Variants in SSH2 observed in about 807,000 individuals in gnomAD.
SSH2 encodes slingshot protein phosphatase 2.
SSH2 carries 37 observed loss-of-function variants against 135.2 expected under a neutral mutation model. That is an observed-to-expected ratio of 0.27 (90% CI 0.21 to 0.36). SSH2 has a LOEUF of 0.36. SSH2 is among the 10% of genes least tolerant of loss of function. The probability of loss-of-function intolerance (pLI) is 1.00; values close to 1 mark genes in which losing one functional copy is unlikely to be tolerated. For missense variants in SSH2, 1,408 were observed against 1,765.3 expected (o/e 0.80, Z 3.63); for synonymous variants, 628 against 646.2 (o/e 0.97, Z 0.43).
chr17:29,798,231 G>C (rs1043117049), intron 2 of SSH2, among the ~76,000 whole-genome samples: 1 of 151,988 alleles, frequency 6.6e-6, no homozygotes, highest in Non-Finnish European at 1.5e-5. Context: ...CTGGAGTGCA[G>C]TGGTGGGATC....
At chr17:29,687,998 A>G (rs1461151393) in intron 5 of SSH2, among the ~76,000 whole-genome samples, 3 of 146,880 alleles carry the variant, frequency 2.0e-5, no homozygotes, top group South Asian at 2.2e-4. Context: ...TATTCATTGC[A>G]AACATTAGTG....
chr17:29,688,766 T>C (rs1190003938), intron 5 of SSH2, among the ~76,000 whole-genome samples: 2 of 152,202 alleles, frequency 1.3e-5, no homozygotes. Flanking sequence ...ACCTACAGTA[T>C]TGATTCAACA....
In SSH2 at chr17:29,650,693, G is replaced by T; in HGVS notation, c.1187C>A (p.Ala396Glu). ...VYDEEATDLL[A>E]YWNDTYKFIS... ...GAATTTGTAAGTGTCATTCCAGTAC[G>T]CCAGGAGATCCGTTGCCTCTTCATC... Residue 396 changes from alanine (A) to glutamate (E), a missense_variant, in exon 13 of 16, where the codon GCG becomes GAG. This residue lies in a region of SSH2 where 106 missense variants were observed against 265.2 expected (regional missense o/e 0.40). Transcript: ENST00000540801. 1 of 1,613,822 alleles carries T rather than the reference G, an allele frequency of 6.2e-7. No homozygotes were observed. Among genetic ancestry groups the T allele is most frequent in the East Asian group, 2.2e-5 (1 of 44,842 alleles).
intron 8 of SSH2, chr17:29,676,059 G>A (rs1249882469): frequency 6.6e-6 from 1 of 152,156 alleles, no homozygotes; most frequent in East Asian, 1.9e-4. Flanking sequence ...TTTTCTCTAG[G>A]CTTTATTTGC....
chr17:29,917,448 C>T (rs1448479783), intron 1 of SSH2, among the ~76,000 whole-genome samples: 1 of 152,140 alleles, frequency 6.6e-6, no homozygotes, highest in African/African-American at 2.4e-5. Flanking sequence ...TAGTTTATAG[C>T]TGCCTTCCCC....
chr17:29,835,700 G>GAA (rs2042931489), intron 2 of SSH2, among the ~76,000 whole-genome samples: 1 of 152,168 alleles, frequency 6.6e-6, no homozygotes, highest in Admixed American at 6.5e-5. Flanking sequence ...TTGGAGCTGT[G>GAA]TCTCTCTCTA....
chr17:29,922,443 C>T (rs1048809119), intron 1 of SSH2, among the ~76,000 whole-genome samples: 2 of 152,146 alleles, frequency 1.3e-5, no homozygotes, highest in African/African-American at 2.4e-5. Flanking sequence ...TTGCACAACT[C>T]TGTAAATTAA....
chr17:29,674,082 C>T, intron 8 of SSH2: 1 of 456,666 alleles, frequency 2.2e-6, no homozygotes, highest in Non-Finnish European at 4.4e-6. Flanking sequence ...TGGCAAATCA[C>T]TCTCCAGAAA....
At chr17:29,797,217 G>A (rs2042173931) in intron 2 of SSH2, among the ~76,000 whole-genome samples, 1 of 151,886 alleles carries the variant, frequency 6.6e-6, no homozygotes, top group Non-Finnish European at 1.5e-5. Flanking sequence ...ATGTGTCTAC[G>A]TAATTCAAAC....
chr17:29,695,335 A>G lies in SSH2; in HGVS notation c.357+124T>C. The G allele has an allele frequency of 1.1e-5, 7 of 651,838 alleles. No homozygotes were observed. The South Asian group carries it at 1.5e-4, about 14-fold the overall frequency. The allele number at this position is 651,838 out of a possible 1,614,324, so 40.4% of individuals were successfully genotyped here. ...ATCAAATTATTTCACAACACTCCAC[A>G]TTATCTTCTCTCTTACTTCACATAG... On this transcript the variant is annotated intron_variant, in intron 5 of 15. Coordinates refer to ENST00000540801, the MANE Select transcript of SSH2 (RefSeq NM_001282129.2).
chr17:29,907,240 C>G (rs1346195213), intron 1 of SSH2, among the ~76,000 whole-genome samples: 1 of 152,062 alleles, frequency 6.6e-6, no homozygotes, highest in African/African-American at 2.4e-5. Context: ...AAGCCATTAT[C>G]TTCAGCAAAG....
intron 3 of SSH2, among the ~76,000 whole-genome samples, chr17:29,766,096 A>G (rs1167016461): frequency 2.1e-5 from 1 of 47,548 alleles, no homozygotes; most frequent in African/African-American, 6.7e-5. Flanking sequence ...TATTATTATT[A>G]TCATCATCAT....
intron 1 of SSH2, among the ~76,000 whole-genome samples, chr17:29,892,008 T>C (rs948692242): frequency 4.6e-5 from 7 of 152,102 alleles, no homozygotes; most frequent in Admixed American, 6.6e-5. Context: ...CAAAAGAAAT[T>C]CTAAAATGCA....
At chr17:29,769,760 G>T (rs2041527718) in intron 3 of SSH2, among the ~76,000 whole-genome samples, 2 of 152,130 alleles carry the variant, frequency 1.3e-5, no homozygotes, top group South Asian at 2.1e-4. Context: ...TATCGAACGT[G>T]TCCAATTCAT....
At chr17:29,868,776 C>A (rs964540725) in intron 1 of SSH2, among the ~76,000 whole-genome samples, 1 of 150,900 alleles carries the variant, frequency 6.6e-6, no homozygotes, top group Non-Finnish European at 1.5e-5. Context: ...CCAGGAAATT[C>A]TTGGAAGAAG....
intron 1 of SSH2, among the ~76,000 whole-genome samples, chr17:29,854,774 C>T (rs902785848): frequency 2.0e-5 from 3 of 152,040 alleles, no homozygotes; most frequent in Admixed American, 1.3e-4. Context: ...ATGGCAAAAC[C>T]CCGTCTCTAC....
intron 3 of SSH2, among the ~76,000 whole-genome samples, chr17:29,728,224 T>C (rs1352404321): frequency 1.3e-5 from 2 of 152,136 alleles, no homozygotes; most frequent in East Asian, 3.9e-4. Context: ...GGATACATAA[T>C]CGGCATACAA....
intron 14 of SSH2, among the ~76,000 whole-genome samples, chr17:29,642,073 T>A (rs570176278): frequency 6.6e-6 from 1 of 152,164 alleles, no homozygotes; most frequent in Non-Finnish European, 1.5e-5. Context: ...TTTTGTGTGA[T>A]GTGCATCGCC....
chr17:29,732,876 T>G (rs2040244775), intron 3 of SSH2, among the ~76,000 whole-genome samples: 1 of 152,168 alleles, frequency 6.6e-6, no homozygotes, highest in African/African-American at 2.4e-5. Context: ...CTACCACACA[T>G]AACTCTGGTA....
Sources: allele counts gnomAD v4.1 joint callset (sites outside exome capture counted in the v4.1 genomes callset), GRCh38; gene constraint gnomAD v4.1.1; regional missense constraint gnomAD v4.1.1; transcripts MANE v1.5; gene names NCBI Gene and HGNC (gene_info 2026-07-23, HGNC 2026-07-21).